Variants in DPCD observed in about 807,000 individuals in gnomAD.
DPCD encodes the protein deleted in primary ciliary dyskinesia homolog (mouse), also known as protein DPCD.
Under a neutral mutation model 26.4 loss-of-function variants are expected in DPCD, and 20 were observed. The ratio of observed to expected loss-of-function variants is 0.76; its 90% confidence interval spans 0.53 to 1.10. The LOEUF is 1.10. Among genes scored for constraint, DPCD ranks in the 50% least tolerant of loss-of-function variants. DPCD has a pLI of 0.00. For synonymous variants in DPCD, 97 were observed against 94.2 expected (o/e 1.03, Z -0.17); for missense variants, 202 against 253.9 (o/e 0.80, Z 1.39).
intron 4 of DPCD, among the ~76,000 whole-genome samples, chr10:101,605,968 AC>A (rs1224325785): frequency 6.6e-6 from 1 of 152,196 alleles, no homozygotes; most frequent in Non-Finnish European, 1.5e-5. Context: ...AGTTGTTTTG[AC>A]AATTAAATGT....
At chr10:101,597,589 C>A (rs1055952916) in intron 2 of DPCD, among the ~76,000 whole-genome samples, 2 of 152,152 alleles carry the variant, frequency 1.3e-5, no homozygotes, top group Non-Finnish European at 2.9e-5. Flanking sequence ...AGCCCCCAGG[C>A]GCCACCTCCT....
chr10:101,595,610 A>C (rs532082207), intron 2 of DPCD, among the ~76,000 whole-genome samples: 1 of 152,250 alleles, frequency 6.6e-6, no homozygotes, highest in African/African-American at 2.4e-5. Context: ...ACAGCTCATA[A>C]ATGTCTAGAA....
chr10:101,602,407 C>T (rs1389227897), intron 4 of DPCD, among the ~76,000 whole-genome samples: 1 of 152,192 alleles, frequency 6.6e-6, no homozygotes, highest in Non-Finnish European at 1.5e-5. Flanking sequence ...CCTCTTGTGA[C>T]CCCCATATCC....
intron 1 of DPCD, among the ~76,000 whole-genome samples, chr10:101,594,276 AG>A (rs1238560046): frequency 2.0e-5 from 3 of 152,246 alleles, no homozygotes; most frequent in African/African-American, 7.2e-5. Flanking sequence ...GTAAAACATT[AG>A]GGAGGCACAC....
At position 101,608,917 on chromosome 10, in the gene DPCD, A is replaced by G. The variant is rs1232615419; in HGVS notation, c.487A>G (p.Asn163Asp). 2 of 1,613,208 alleles carry G rather than the reference A, an allele frequency of 1.2e-6. No homozygotes were observed. Among genetic ancestry groups the G allele is most frequent in the African/African-American group, 2.7e-5 (2 of 74,846 alleles). The part of the protein sequence containing the change: ...DDALLSFAHA[N>D]CTLIISYQKP... The stretch of plus-strand genomic sequence containing the variant: ...CGCCTTGCTGAGCTTTGCCCACGCC[A>G]ACTGCACCCTGATCATCTCTGTAAG... The change falls in exon 5 of 6, where the codon AAC (asparagine) becomes GAC (aspartate). Residue 163 changes from asparagine (N) to aspartate (D), a missense_variant. Transcript: ENST00000370151.
intron 2 of DPCD, among the ~76,000 whole-genome samples, chr10:101,598,360 CAG>C (rs1300476035): frequency 6.6e-6 from 1 of 151,918 alleles, no homozygotes; most frequent in Non-Finnish European, 1.5e-5. Flanking sequence ...TAAAAAAAAA[CAG>C]AAACCTTTCA....
In DPCD at chr10:101,608,864, T is replaced by G. The variant is rs752180220; in HGVS notation, c.434T>G (p.Leu145Arg). The change falls in exon 5 of 6, where the codon CTA becomes CGA. Residue 145 changes from leucine to arginine, a missense_variant. Leu to Arg is a moderately radical substitution (Grantham distance 102). Coordinates refer to ENST00000370151, the MANE Select transcript of DPCD (RefSeq NM_015448.3). ...KYYKKFSIPD[L>R]DRHQLPLDDA... ...TACAAGAAGTTCTCCATTCCTGATC[T>G]AGATAGACACCAGCTACCTCTGGAT... 2 of 1,613,648 alleles carry G rather than the reference T, an allele frequency of 1.2e-6. No homozygotes were observed. Among genetic ancestry groups the G allele is most frequent in the East Asian group, 4.5e-5 (2 of 44,884 alleles).
chr10:101,591,542 A>T (rs1589720255), intron 1 of DPCD, among the ~76,000 whole-genome samples: 1 of 152,102 alleles, frequency 6.6e-6, no homozygotes, highest in South Asian at 2.1e-4. Flanking sequence ...ACTCCCTTCC[A>T]CCAAGAATCA....
chr10:101,599,370 GTA>G (rs2063675767), intron 2 of DPCD, among the ~76,000 whole-genome samples: 1 of 152,130 alleles, frequency 6.6e-6, no homozygotes, highest in Non-Finnish European at 1.5e-5. Flanking sequence ...TAAGAGAGAA[GTA>G]TTTGTGGGGG....
At chr10:101,609,303 A>G in intron 5 of DPCD, 64 bp from the exon 6 acceptor site, 3 of 1,542,000 alleles carry the variant, frequency 1.9e-6, no homozygotes, top group Admixed American at 3.6e-5. Flanking sequence ...AGGGGCCCCA[A>G]GTGTGTGTGG....
At chr10:101,609,327 A>G (rs1347986861) in intron 5 of DPCD, 40 bp from the exon 6 acceptor site, 2 of 1,601,656 alleles carry the variant, frequency 1.2e-6, no homozygotes, top group Non-Finnish European at 1.7e-6. Flanking sequence ...GAGATGGGAC[A>G]GTGACTGAAT....
intron 4 of DPCD, among the ~76,000 whole-genome samples, chr10:101,608,612 G>C (rs2063748817): frequency 6.6e-6 from 1 of 152,136 alleles, no homozygotes; most frequent in South Asian, 2.1e-4. Context: ...ATTATAACTA[G>C]GTTCTGCTCT....
intron 2 of DPCD, among the ~76,000 whole-genome samples, chr10:101,599,725 T>C (rs1047435402): frequency 2.0e-5 from 3 of 152,168 alleles, no homozygotes; most frequent in Non-Finnish European, 4.4e-5. Context: ...CAGAAACAAC[T>C]GTAACTGAGT....
At chr10:101,589,029 C>G (rs1186634534) in intron 1 of DPCD, among the ~76,000 whole-genome samples, 1 of 152,240 alleles carries the variant, frequency 6.6e-6, no homozygotes, top group African/African-American at 2.4e-5. Flanking sequence ...CCTAACTTTT[C>G]CCCACCCTAG....
intron 4 of DPCD, among the ~76,000 whole-genome samples, chr10:101,607,709 C>A (rs1180039789): frequency 6.6e-6 from 1 of 151,368 alleles, no homozygotes. Context: ...CCCATCCTCC[C>A]CAGGCCTCTC....
intron 1 of DPCD, among the ~76,000 whole-genome samples, chr10:101,593,426 T>C (rs2063626430): frequency 6.6e-6 from 1 of 152,174 alleles, no homozygotes; most frequent in Admixed American, 6.5e-5. Context: ...CAAGCATACA[T>C]AGGGTACTTG....
chr10:101,596,395 A>G (rs1457769702), intron 2 of DPCD, among the ~76,000 whole-genome samples: 1 of 152,154 alleles, frequency 6.6e-6, no homozygotes, highest in Non-Finnish European at 1.5e-5. Flanking sequence ...TCTTGTCTCC[A>G]TTTTACATTT....
In DPCD at chr10:101,600,690, C is replaced by G. The variant is rs763649960; in HGVS notation, c.146-48C>G. The G allele has an allele frequency of 3.1e-6, 5 of 1,595,792 alleles. No individual in the cohort carries two copies. In the African/African-American group the frequency reaches 5.4e-5, roughly 17 times the overall value. On this transcript the variant is annotated intron_variant, in intron 2 of 5. Transcript: ENST00000370151. The surrounding 1 kb of genome is among the most constrained non-coding windows in gnomAD (Gnocchi z 4.7). ...AAAGAGCAGAGACCCTCTCTTCACT[C>G]TCATCCTGATGCTTGCTTCTCATCC...
chr10:101,600,643 G>A lies in DPCD; in HGVS notation c.146-95G>A. ...TTTCATCTTGTGCTAGTTACCTAGT[G>A]TGGTGCCGGTGATTCAGCAGAAAAG... On this transcript the variant is annotated intron_variant, in intron 2 of 5. Coordinates refer to ENST00000370151, the MANE Select transcript of DPCD (RefSeq NM_015448.3). The surrounding 1 kb of genome is among the most constrained non-coding windows in gnomAD (Gnocchi z 4.7). The A allele has an allele frequency of 6.6e-7, 1 of 1,511,794 alleles. No individual in the cohort carries two copies. The highest frequency in any genetic ancestry group is 8.9e-7 in the Non-Finnish European group (1 of 1,127,486). The allele number at this position is 1,511,794 out of a possible 1,614,324, so 93.6% of individuals were successfully genotyped here.
Sources: allele counts gnomAD v4.1 joint callset (sites outside exome capture counted in the v4.1 genomes callset), GRCh38; gene constraint gnomAD v4.1.1; non-coding constraint Gnocchi (gnomAD v3.1); transcripts MANE v1.5; gene names NCBI Gene and HGNC (gene_info 2026-07-23, HGNC 2026-07-21).